The following TNS1 variants were observed in gnomAD, a reference collection of about 807,000 sequenced individuals.
TNS1 encodes tensin-1.
Under a neutral mutation model 168.6 loss-of-function variants are expected in TNS1, and 62 were observed. That is an observed-to-expected ratio of 0.37 (90% CI 0.30 to 0.45). The LOEUF is 0.45. Ranked by LOEUF, TNS1 falls within the 20% of genes least tolerant of loss-of-function variation. The pLI, the probability that TNS1 is intolerant of heterozygous loss-of-function variation, is 1.00. For missense variants in TNS1, 2,240 were observed against 2,339.4 expected, an observed-to-expected ratio of 0.96 and a Z score of 0.88; for synonymous variants, 934 against 933.2, an observed-to-expected ratio of 1.00 and a Z score of -0.02.
At chr2:217,868,276 G>A (rs1180526592) in intron 18 of TNS1, among the ~76,000 whole-genome samples, 2 of 152,222 alleles carry the variant, frequency 1.3e-5, no homozygotes, top group Non-Finnish European at 2.9e-5. Flanking sequence ...TTTCTCAAAG[G>A]GAGGAGGCCA....
At chr2:217,900,853 G>A (rs1456764813) in intron 6 of TNS1, among the ~76,000 whole-genome samples, 3 of 152,094 alleles carry the variant, frequency 2.0e-5, no homozygotes, top group East Asian at 1.9e-4. Context: ...TGATACACTC[G>A]CCAACACAAG....
At chr2:218,009,476 C>G (rs952406137) in intron 1 of TNS1, among the ~76,000 whole-genome samples, 4 of 152,100 alleles carry the variant, frequency 2.6e-5, no homozygotes, top group Non-Finnish European at 4.4e-5. Flanking sequence ...AGGACACGCC[C>G]ACCCACAGCA....
upstream of TNS1, chr2:218,003,139 G>C (rs865961406): frequency 2.5e-5 from 9 of 358,862 alleles, no homozygotes; most frequent in Admixed American, 1.9e-4. Flanking sequence ...CTGCTTTGCA[G>C]GGGGTGTAAA....
chr2:217,998,129 A>G (rs1362579122), intron 1 of TNS1, among the ~76,000 whole-genome samples: 1 of 152,200 alleles, frequency 6.6e-6, no homozygotes, highest in Non-Finnish European at 1.5e-5. Context: ...GCAGACAGTG[A>G]CATTTCCCCA....
intron 15 of TNS1, 78 bp from the exon 16 acceptor site, chr2:217,885,242 C>A (rs1339308791): frequency 6.3e-7 from 1 of 1,587,530 alleles, no homozygotes; most frequent in Non-Finnish European, 8.6e-7. Flanking sequence ...CTTATCAGCT[C>A]CGCTGACTGA....
intron 3 of TNS1, among the ~76,000 whole-genome samples, chr2:217,929,740 C>T (rs1338903517): frequency 6.9e-6 from 1 of 145,086 alleles, no homozygotes; most frequent in Admixed American, 7.1e-5. Flanking sequence ...AAGCCAGAGG[C>T]CCATGTGTCT....
chr2:217,840,720 G>A (rs983378794), intron 19 of TNS1, among the ~76,000 whole-genome samples: 9 of 152,246 alleles, frequency 5.9e-5, no homozygotes, highest in African/African-American at 1.2e-4. Context: ...GGCTCCTGCC[G>A]AGACCTAGCC....
chr2:217,903,489 T>C, intron 6 of TNS1: 1 of 1,377,490 alleles, frequency 7.3e-7, no homozygotes, highest in Non-Finnish European at 9.6e-7. Flanking sequence ...GGATCACAAA[T>C]CACCTTACCC....
At chr2:217,835,949 G>A in intron 20 of TNS1, 66 bp downstream of exon 20, 1 of 1,427,698 alleles carries the variant, frequency 7.0e-7, no homozygotes, top group Non-Finnish European at 9.7e-7. Context: ...TGACCATCAG[G>A]TTTCTGGAGA....
At chr2:217,870,894 G>A (rs1487559023) in intron 18 of TNS1, among the ~76,000 whole-genome samples, 1 of 152,232 alleles carries the variant, frequency 6.6e-6, no homozygotes, top group African/African-American at 2.4e-5. Context: ...CAGATACTGG[G>A]TCAGTGGTGT....
intron 1 of TNS1, among the ~76,000 whole-genome samples, chr2:218,027,534 G>C (rs1186313438): frequency 6.6e-6 from 1 of 152,000 alleles, no homozygotes; most frequent in Non-Finnish European, 1.5e-5. Flanking sequence ...TCCTCTGGGA[G>C]GGCTTTCCAG....
Position 217,813,099 on chromosome 2 carries a change from C to G in TNS1, c.4954+116G>C. The G allele has an allele frequency of 1.4e-6, 1 of 713,008 alleles. No individual in the cohort carries two copies. Among genetic ancestry groups the G allele is most frequent in the Non-Finnish European group, 2.5e-6 (1 of 405,978 alleles). 44.2% of individuals were successfully genotyped at this position (713,008 alleles called of 1,614,324 possible). On this transcript the variant is annotated intron_variant, in intron 27 of 32. Coordinates refer to ENST00000682258, the MANE Select transcript of TNS1 (RefSeq NM_001387777.1). The surrounding 1 kb of genome is among the most constrained non-coding windows in gnomAD (Gnocchi z 4.0). ...TTCATTTTCTCTGCTGAATTTATGA[C>G]AAGGGTGACTGGCAGAGCCTGTCAG...
At chr2:217,957,880 G>A (rs1015917757) in intron 3 of TNS1, among the ~76,000 whole-genome samples, 2 of 146,664 alleles carry the variant, frequency 1.4e-5, no homozygotes, top group Non-Finnish European at 3.0e-5. Context: ...AGAAGAGGGA[G>A]AACAGATGAA....
Position 217,947,275 on chromosome 2 carries a change from G to A in TNS1, c.187-27039C>T, listed in dbSNP as rs769687306. On this transcript the variant is annotated intron_variant, in intron 3 of 32. Coordinates refer to ENST00000682258, the MANE Select transcript of TNS1 (RefSeq NM_001387777.1). Reference sequence around the variant, plus strand: ...CTGAATAATACCAGCCTTGGAGCCCGATGGAACTTGGGGGAGGGAGGGCAG... The same window carrying A: ...CTGAATAATACCAGCCTTGGAGCCCAATGGAACTTGGGGGAGGGAGGGCAG... 8.6e-5 allele frequency among the ~76,000 whole-genome samples: 13 copies of A among 151,658 alleles called. 1 individual carries two copies. Among genetic ancestry groups the A allele is most frequent in the Middle Eastern group, 3.4e-3 (1 of 294 alleles).
intron 18 of TNS1, 73 bp from the exon 19 acceptor site, chr2:217,849,160 T>C (rs1947126305): frequency 2.0e-6 from 3 of 1,522,198 alleles, no homozygotes; most frequent in East Asian, 4.5e-5. Flanking sequence ...TCATCCACTC[T>C]GCCAGAGAAA....
chr2:217,960,519 G>A (rs560816684), intron 3 of TNS1, among the ~76,000 whole-genome samples: 1 of 152,180 alleles, frequency 6.6e-6, no homozygotes, highest in East Asian at 1.9e-4. Flanking sequence ...GGTCTTAGAG[G>A]GCACAGATGG....
chr2:217,915,324 C>T (rs1425876675), intron 4 of TNS1, among the ~76,000 whole-genome samples: 5 of 152,180 alleles, frequency 3.3e-5, no homozygotes, highest in Admixed American at 2.0e-4. Context: ...TTCAGAAAGT[C>T]ACTTAAGAAG....
chr2:217,885,596 G>A (rs1016905521), intron 15 of TNS1, 148 bp downstream of exon 15: 17 of 729,908 alleles, frequency 2.3e-5, no homozygotes, highest in Non-Finnish European at 3.4e-5. Context: ...GAGACTGGAA[G>A]GTCTTCCAAG....
intron 5 of TNS1, among the ~76,000 whole-genome samples, 158 bp from the exon 6 acceptor site, chr2:217,906,543 C>A (rs2125790227): frequency 6.6e-6 from 1 of 152,276 alleles, no homozygotes; most frequent in Admixed American, 6.5e-5. Context: ...ATATCAAGGC[C>A]CCCTCAGAAC....
Sources: allele counts gnomAD v4.1 joint callset (sites outside exome capture counted in the v4.1 genomes callset), GRCh38; gene constraint gnomAD v4.1.1; non-coding constraint Gnocchi (gnomAD v3.1); transcripts MANE v1.5; gene names NCBI Gene and HGNC (gene_info 2026-07-23, HGNC 2026-07-21).